Variants in GAB3 observed in about 807,000 individuals in gnomAD.
GAB3 encodes GRB2-associated-binding protein 3.
Under a neutral mutation model 40.4 loss-of-function variants are expected in GAB3, and 12 were observed. The observed-to-expected ratio is 0.30, with a 90% CI of 0.19 to 0.48. The LOEUF (loss-of-function observed/expected upper bound fraction) is 0.48, where lower values mean the gene tolerates loss of function less well. Among genes scored for constraint, GAB3 ranks in the 20% least tolerant of loss-of-function variants. GAB3 has a pLI of 0.99. For missense variants in GAB3, 381 were observed against 461.9 expected, an observed-to-expected ratio of 0.82 and a Z score of 1.61; for synonymous variants, 154 against 176.7, an observed-to-expected ratio of 0.87 and a Z score of 1.02.
chrX:154,709,472 C>T (rs1442717093), intron 4 of GAB3, among the ~76,000 whole-genome samples: 1 of 109,392 alleles, frequency 9.1e-6, no homozygotes, highest in African/African-American at 3.3e-5. Flanking sequence ...AGGCACCCGC[C>T]ACCACACTGG....
chrX:154,731,558 C>T (rs782483534), intron 1 of GAB3, among the ~76,000 whole-genome samples: 5 of 111,615 alleles, frequency 4.5e-5, no homozygotes, highest in Non-Finnish European at 5.7e-5. Flanking sequence ...TCCCCTTACG[C>T]GTGATTAAAA....
intron 8 of GAB3, among the ~76,000 whole-genome samples, chrX:154,692,921 T>C (rs1487990207): frequency 8.9e-6 from 1 of 112,494 alleles, no homozygotes; most frequent in African/African-American, 3.2e-5. Context: ...AAGTTAAGCA[T>C]AGAATTACCA....
chrX:154,738,169 T>C (rs1228195199), intron 1 of GAB3, among the ~76,000 whole-genome samples: 1 of 112,071 alleles, frequency 8.9e-6, no homozygotes, highest in African/African-American at 3.2e-5. Flanking sequence ...GGAAGCTCAG[T>C]GTGAGTCAAC....
chrX:154,689,378 C>G (rs1486016185), intron 8 of GAB3, among the ~76,000 whole-genome samples: 1 of 111,564 alleles, frequency 9.0e-6, no homozygotes, highest in Non-Finnish European at 1.9e-5. Flanking sequence ...CCCTCTCTCA[C>G]CACTCCTATT....
At chrX:154,727,157 G>C (rs1557259460) in intron 1 of GAB3, among the ~76,000 whole-genome samples, 1 of 112,398 alleles carries the variant, frequency 8.9e-6, no homozygotes, top group African/African-American at 3.2e-5. Flanking sequence ...GGCTCTGCCT[G>C]TCTCTCCCAC....
At chrX:154,703,717 G>T (rs781838081) in intron 4 of GAB3, among the ~76,000 whole-genome samples, 1 of 112,138 alleles carries the variant, frequency 8.9e-6, no homozygotes, top group Non-Finnish European at 1.9e-5. Context: ...AGTTAATATG[G>T]CTTATATCCA....
intron 1 of GAB3, among the ~76,000 whole-genome samples, chrX:154,746,052 CAAAAA>C (rs201582710): frequency 6.3e-5 from 2 of 31,541 alleles, no homozygotes; most frequent in East Asian, 2.1e-3. Context: ...AACTCCATCT[CAAAAA>C]AAAAAAAAAA....
At chrX:154,714,983 T>C (rs890445435) in intron 2 of GAB3, among the ~76,000 whole-genome samples, 6 of 112,326 alleles carry the variant, frequency 5.3e-5, no homozygotes, top group Non-Finnish European at 1.9e-5. Flanking sequence ...TTTATTTGAG[T>C]GCTCCCAATG....
Position 154,712,210 on chromosome X carries a change from C to G in GAB3, c.1069+19G>C. 1 of 1,128,270 alleles carries G rather than the reference C, an allele frequency of 8.9e-7. No individual in the cohort carries two copies. The highest frequency in any genetic ancestry group is 1.2e-6 in the Non-Finnish European group (1 of 838,510). 93.0% of individuals were successfully genotyped at this position (1,128,270 alleles called of 1,213,427 possible). On this transcript the variant is annotated intron_variant, in intron 4 of 9. Coordinates refer to ENST00000424127, the MANE Select transcript of GAB3 (RefSeq NM_001081573.3). ...GCCCGGGTTTTCTTGGCGCCTGAAT[C>G]TTAGGACCCAACACTTACCTTTCCA...
Position 154,712,474 on chromosome X carries a change from G to A in GAB3, c.824C>T (p.Pro275Leu), listed in dbSNP as rs782327751. 2 of 1,210,470 alleles carry A rather than the reference G, an allele frequency of 1.7e-6. No homozygotes were observed. The highest frequency in any genetic ancestry group is 2.2e-6 in the Non-Finnish European group (2 of 894,554). The change falls in exon 4 of 10, where the codon CCA (proline) becomes CTA (leucine). Residue 275 changes from proline (P) to leucine (L), a missense_variant. Transcript: ENST00000424127. ...GPPRDHLSSS[P>L]LLESSLSSTI... ...GGAACTTAAGGAACTTTCCAGCAAT[G>A]GTGAAGAAGACAAGTGGTCCCTGGG...
At position 154,728,231 on chromosome X, in the gene GAB3, A is replaced by T. The variant is rs139435649; in HGVS notation, c.73-11902T>A. On this transcript the variant is annotated intron_variant, in intron 1 of 9. Coordinates refer to ENST00000424127, the MANE Select transcript of GAB3 (RefSeq NM_001081573.3). ...TTCCAACTCAGGCTGAGGGAGGAGA[A>T]CCTATACCTATCTGCATTTGGAGCT... 3.2e-3 allele frequency among the ~76,000 whole-genome samples: 362 copies of T among 111,780 alleles called. 1 individual carries two copies. The highest frequency in any genetic ancestry group is 0.014 in the Middle Eastern group (3 of 219).
intron 1 of GAB3, among the ~76,000 whole-genome samples, chrX:154,742,777 AG>A (rs2071461935): frequency 9.1e-6 from 1 of 110,312 alleles, no homozygotes; most frequent in Non-Finnish European, 1.9e-5. Context: ...TTTCCAGAAA[AG>A]GCAAATCTAT....
In GAB3 at chrX:154,692,175, A is replaced by G. The variant is rs782066449; in HGVS notation, c.1530+3742T>C. ...GAAAGAAAATTTTGACTTCATCAAA[A>G]TAAAAAACTTCTGCGCATCAAAGGA... On this transcript the variant is annotated intron_variant, in intron 8 of 9. Transcript: ENST00000424127. Among the ~76,000 whole-genome samples, 308 of 112,133 alleles carry G rather than the reference A, an allele frequency of 2.7e-3. 1 individual carries two copies. Among genetic ancestry groups the G allele is most frequent in the African/African-American group, 9.9e-3 (305 of 30,876 alleles).
intron 1 of GAB3, among the ~76,000 whole-genome samples, chrX:154,724,341 CTTAA>C (rs1557259163): frequency 9.8e-6 from 1 of 102,561 alleles, no homozygotes; most frequent in Non-Finnish European, 2.0e-5. Context: ...GAGACTTCAT[CTTAA>C]ATAAATAAAT....
At chrX:154,690,294 G>C (rs1162449498) in intron 8 of GAB3, among the ~76,000 whole-genome samples, 2 of 112,031 alleles carry the variant, frequency 1.8e-5, no homozygotes, top group Non-Finnish European at 3.8e-5. Flanking sequence ...TTAAGCGTTA[G>C]ACCTAAAACC....
In GAB3 at chrX:154,743,703, G is replaced by A. The variant is rs782391144; in HGVS notation, c.72+7251C>T. Among the ~76,000 whole-genome samples the A allele has an allele frequency of 2.7e-5, 3 of 110,531 alleles. No individual in the cohort carries two copies. In the East Asian group the frequency reaches 8.5e-4, roughly 31 times the overall value. On this transcript the variant is annotated intron_variant, in intron 1 of 9. Transcript: ENST00000424127. ...TAAAGATGTATAATTTACACTCCAG[G>A]GTAACTGCAAAAATATGAAGTTATG...
intron 2 of GAB3, 142 bp downstream of exon 2, chrX:154,715,884 T>C (rs782324346): frequency 9.4e-5 from 54 of 574,466 alleles, no homozygotes; most frequent in Non-Finnish European, 1.4e-4. Flanking sequence ...AGTATTGTAT[T>C]TGGTAGGAAC....
intron 1 of GAB3, among the ~76,000 whole-genome samples, chrX:154,735,998 A>G (rs781906103): frequency 8.9e-6 from 1 of 112,337 alleles, no homozygotes; most frequent in Non-Finnish European, 1.9e-5. Flanking sequence ...GCTCTCTAAC[A>G]TGCAAGCAAA....
intron 1 of GAB3, among the ~76,000 whole-genome samples, chrX:154,728,759 C>T (rs2071249974): frequency 8.9e-6 from 1 of 112,389 alleles, no homozygotes; most frequent in Non-Finnish European, 1.9e-5. Flanking sequence ...AAGGCAAGGA[C>T]GTTGCCCATC....
Sources: gnomAD v4.1 joint callset for allele counts (sites outside exome capture counted in the v4.1 genomes callset) on GRCh38, gnomAD v4.1.1 for gene constraint, MANE v1.5 for transcripts, NCBI Gene and HGNC (gene_info 2026-07-23, HGNC 2026-07-21) for gene names.